The following TRPV1 variants were observed in gnomAD, a reference collection of about 807,000 sequenced individuals.
TRPV1 encodes OTRPC1.
In TRPV1, 82 loss-of-function variants were observed where a neutral mutation model predicts 82.3. That is an observed-to-expected ratio of 1.00 (90% CI 0.83 to 1.20). The LOEUF (loss-of-function observed/expected upper bound fraction) is 1.20. Ranked by LOEUF, TRPV1 falls within the 50% of genes most tolerant of loss-of-function variation. TRPV1 has a pLI of 0.00. For synonymous variants in TRPV1, 515 were observed against 467.7 expected (o/e 1.10, Z -1.30); for missense variants, 1,067 against 1,096.8 (o/e 0.97, Z 0.38).
chr17:3,573,290 C>A (rs980591752), intron 14 of TRPV1, among the ~76,000 whole-genome samples: 4 of 152,146 alleles, frequency 2.6e-5, no homozygotes, highest in Non-Finnish European at 4.4e-5. Flanking sequence ...CCTCCCCCTT[C>A]TTCCCTCCAG....
chr17:3,588,827 A>AC (rs1349439635), intron 7 of TRPV1: 2 of 1,272,572 alleles, frequency 1.6e-6, no homozygotes, highest in Non-Finnish European at 2.1e-6. Flanking sequence ...AAAAAAAAAA[A>AC]AAACAAAACA....
At chr17:3,594,157 C>CAAAAAAAAAAA (rs1567673368) in intron 2 of TRPV1, among the ~76,000 whole-genome samples, 1 of 111,242 alleles carries the variant, frequency 9.0e-6, no homozygotes, top group African/African-American at 7.2e-5. Context: ...AAAAAAGAAG[C>CAAAAAAAAAAA]AGCAGCAGCA....
Position 3,585,552 on chromosome 17 carries a change from G to A in TRPV1, c.1383+216C>T, listed in dbSNP as rs2075073174. 57 of 569,308 alleles carry A rather than the reference G, an allele frequency of 1.0e-4. 1 individual carries two copies. Among genetic ancestry groups the A allele is most frequent in the South Asian group, 9.8e-4 (45 of 45,950 alleles). The allele number at this position is 569,308 out of a possible 1,614,324, so 35.3% of individuals were successfully genotyped here. The stretch of plus-strand genomic sequence containing the variant: ...CTCAAGGTTAAAGGAGAGGAACTGA[G>A]AAGCGGGAAGGGGGCGGGTCTCCTG... On this transcript the variant is annotated intron_variant, in intron 9 of 16. Transcript: ENST00000572705.
chr17:3,585,647 C>A, intron 9 of TRPV1, 121 bp downstream of exon 9: 2 of 1,265,120 alleles, frequency 1.6e-6, no homozygotes, highest in African/African-American at 1.5e-5. Context: ...ATCGCTCCCG[C>A]AAGCTGGGAA....
chr17:3,579,498 T>C (rs1487709504), intron 11 of TRPV1, among the ~76,000 whole-genome samples: 1 of 152,152 alleles, frequency 6.6e-6, no homozygotes. Flanking sequence ...TATTTAGAGA[T>C]GGAATCTCGC....
chr17:3,608,127 C>T (rs902749233), intron 2 of TRPV1: 2 of 148,290 alleles, frequency 1.3e-5, no homozygotes, highest in Non-Finnish European at 3.0e-5. Flanking sequence ...AAGAGAATCG[C>T]TTGAACCCGG....
At position 3,577,587 on chromosome 17, in the gene TRPV1, A is replaced by T. The variant is rs2074951457; in HGVS notation, c.1713+11T>A. 6 of 1,568,278 alleles carry T rather than the reference A, an allele frequency of 3.8e-6. No homozygotes were observed. Among genetic ancestry groups the T allele is most frequent in the Non-Finnish European group, 5.2e-6 (6 of 1,156,780 alleles). On this transcript the variant is annotated intron_variant, in intron 12 of 16. Coordinates refer to ENST00000572705, the MANE Select transcript of TRPV1 (RefSeq NM_080704.4). ...GCTCTGAGGAGACCCACTGGGGCCC[A>T]GGGAACCCACCTTCTCTATCATGAC...
At chr17:3,591,516 T>C (rs1270692778) in intron 3 of TRPV1, among the ~76,000 whole-genome samples, 163 bp from the exon 4 acceptor site, 1 of 152,134 alleles carries the variant, frequency 6.6e-6, no homozygotes, top group Non-Finnish European at 1.5e-5. Flanking sequence ...AGAAAAGCAA[T>C]GTAACAGGGA....
intron 15 of TRPV1, 101 bp downstream of exon 15, chr17:3,572,021 G>T: frequency 6.8e-7 from 1 of 1,461,546 alleles, no homozygotes; most frequent in Non-Finnish European, 9.3e-7. Context: ...AGCCCCCTGT[G>T]CTCATGACCA....
intron 2 of TRPV1, chr17:3,592,725 G>T: frequency 4.6e-6 from 1 of 216,862 alleles, no homozygotes; most frequent in Non-Finnish European, 9.2e-6. Context: ...GGGTGAGGTT[G>T]ATAACCACCG....
intron 3 of TRPV1, 61 bp from the exon 4 acceptor site, chr17:3,591,414 G>A (rs999725383): frequency 6.5e-5 from 98 of 1,511,198 alleles, no homozygotes; most frequent in African/African-American, 8.4e-5. Context: ...TGAGGCCTTC[G>A]GAGCTTGTCA....
Position 3,566,999 on chromosome 17 carries a change from C to T in TRPV1, c.2348-12G>A. 7 of 1,613,406 alleles carry T rather than the reference C, an allele frequency of 4.3e-6. No individual in the cohort carries two copies. Among genetic ancestry groups the T allele is most frequent in the Non-Finnish European group, 5.9e-6 (7 of 1,179,658 alleles). ...GTGTCTGCCTGAAACTGAAGGGTAA[C>T]ACTATTACTACCTTGGATGCAACAA... On this transcript the variant is annotated splice_polypyrimidine_tract_variant and intron_variant, in intron 16 of 16. Coordinates refer to ENST00000572705, the MANE Select transcript of TRPV1 (RefSeq NM_080704.4).
intron 16 of TRPV1, among the ~76,000 whole-genome samples, chr17:3,568,102 C>T (rs1353347689): frequency 6.6e-6 from 1 of 152,124 alleles, no homozygotes; most frequent in Non-Finnish European, 1.5e-5. Context: ...GCGGGCGGAT[C>T]ACGAGGTCAG....
intron 2 of TRPV1, among the ~76,000 whole-genome samples, chr17:3,594,024 A>G (rs1817753779): frequency 6.8e-6 from 1 of 147,022 alleles, no homozygotes; most frequent in Non-Finnish European, 1.5e-5. Context: ...GCTACTCGGG[A>G]GGCTGAGGCA....
At chr17:3,608,598 G>A (rs535862332) in intron 1 of TRPV1, 33 bp from the exon 2 acceptor site, 1 of 152,190 alleles carries the variant, frequency 6.6e-6, no homozygotes, top group Non-Finnish European at 1.5e-5. Context: ...GAAAACTTGG[G>A]AACTGTTTGA....
intron 3 of TRPV1, 107 bp from the exon 4 acceptor site, chr17:3,591,460 G>C: frequency 7.5e-7 from 1 of 1,333,682 alleles, no homozygotes; most frequent in Non-Finnish European, 1.0e-6. Flanking sequence ...AAACCAAAAA[G>C]GGGAAAAATG....
chr17:3,587,717 C>T (rs1349377506), intron 8 of TRPV1, among the ~76,000 whole-genome samples: 2 of 151,652 alleles, frequency 1.3e-5, no homozygotes, highest in East Asian at 1.9e-4. Flanking sequence ...ACTTCGGATT[C>T]GAGGAGAATC....
At chr17:3,598,240 C>T (rs1312778463) in intron 2 of TRPV1, among the ~76,000 whole-genome samples, 1 of 152,242 alleles carries the variant, frequency 6.6e-6, no homozygotes, top group Non-Finnish European at 1.5e-5. Context: ...TAAGCAGCCA[C>T]TGCCAGGGAG....
intron 11 of TRPV1, among the ~76,000 whole-genome samples, chr17:3,579,562 G>A (rs2074978329): frequency 6.6e-6 from 1 of 152,164 alleles, no homozygotes; most frequent in Non-Finnish European, 1.5e-5. Context: ...TGCAACCTCT[G>A]TCTCCCGGGT....
Sources: allele counts gnomAD v4.1 joint callset (sites outside exome capture counted in the v4.1 genomes callset), GRCh38; gene constraint gnomAD v4.1.1; transcripts MANE v1.5; gene names NCBI Gene and HGNC (gene_info 2026-07-23, HGNC 2026-07-21).